IFNGR1: variants seen among roughly 807,000 people sequenced by gnomAD.
The protein encoded by IFNGR1 is AVP, type 2.
A neutral mutation model predicts 35.4 loss-of-function variants in IFNGR1; 23 were observed. That is an observed-to-expected ratio of 0.65 (90% CI 0.47 to 0.92). The LOEUF (loss-of-function observed/expected upper bound fraction) is 0.92, where lower values mean the gene tolerates loss of function less well. IFNGR1 is among the 40% of genes least tolerant of loss of function. The pLI is 0.00. For missense variants in IFNGR1, 533 were observed against 583.4 expected, an observed-to-expected ratio of 0.91 and a Z score of 0.89; for synonymous variants, 199 against 209.5, an observed-to-expected ratio of 0.95 and a Z score of 0.43.
At position 137,203,509 on chromosome 6, in the gene IFNGR1, G is replaced by A. The variant is rs762864949; in HGVS notation, c.723C>T (p.Ser241=). The A allele has an allele frequency of 1.5e-5, 24 of 1,565,882 alleles. No homozygotes were observed. The highest frequency in any genetic ancestry group is 3.3e-5 in the Admixed American group (2 of 59,914). Residue 241 remains serine (S), a synonymous_variant, in exon 5 of 7, where the codon AGC becomes AGT. Transcript: ENST00000367739. ...SKEVCITIFN[S]SIKGSLWIPV... ...ATGGCAAGAACTTACCTTTTATACTGCTATTGAAAATGGTAATACAAACTT... is the reference window on the plus strand; with the variant it reads ...ATGGCAAGAACTTACCTTTTATACTACTATTGAAAATGGTAATACAAACTT...
intron 3 of IFNGR1, 135 bp downstream of exon 3, chr6:137,206,001 A>C: frequency 1.3e-6 from 1 of 762,432 alleles, no homozygotes; most frequent in Non-Finnish European, 2.2e-6. Flanking sequence ...CTCAACCTGT[A>C]CTGACTCTAA....
chr6:137,205,419 CAA>C (rs1258972589), intron 3 of IFNGR1, among the ~76,000 whole-genome samples: 1 of 152,136 alleles, frequency 6.6e-6, no homozygotes, highest in Non-Finnish European at 1.5e-5. Context: ...ATTAAAGATT[CAA>C]GAGTTTGAGG....
chr6:137,208,604 C>T (rs1779504073), intron 1 of IFNGR1, among the ~76,000 whole-genome samples: 1 of 152,236 alleles, frequency 6.6e-6, no homozygotes, highest in Admixed American at 6.5e-5. Context: ...CAAGCCTTGG[C>T]AGCTTCCACA....
At chr6:137,215,274 T>A in intron 1 of IFNGR1, 1 of 1,548,240 alleles carries the variant, frequency 6.5e-7, no homozygotes. Flanking sequence ...TACCTCCATA[T>A]TTAAATTGGA....
chr6:137,206,126 T>C lies in IFNGR1; in HGVS notation c.373+10A>G. 1 of 1,609,378 alleles carries C rather than the reference T, an allele frequency of 6.2e-7. No individual in the cohort carries two copies. Among genetic ancestry groups the C allele is most frequent in the Non-Finnish European group, 8.5e-7 (1 of 1,175,652 alleles). On this transcript the variant is annotated intron_variant, in intron 3 of 6. Coordinates refer to ENST00000367739, the MANE Select transcript of IFNGR1 (RefSeq NM_000416.3). Reference sequence around the variant, plus strand: ...AATTTAAAATTTACATGTGTACACATTCTACTCACCATCTCGGCATACAGC... The same window carrying C: ...AATTTAAAATTTACATGTGTACACACTCTACTCACCATCTCGGCATACAGC...
At chr6:137,202,277 C>T (rs1361468660) in intron 5 of IFNGR1, among the ~76,000 whole-genome samples, 1 of 152,244 alleles carries the variant, frequency 6.6e-6, no homozygotes, top group East Asian at 1.9e-4. Flanking sequence ...CACGGCAATG[C>T]CACCGTGTGG....
intron 1 of IFNGR1, among the ~76,000 whole-genome samples, chr6:137,215,886 AT>A (rs1048802300): frequency 6.6e-6 from 1 of 152,052 alleles, no homozygotes; most frequent in Admixed American, 6.5e-5. Context: ...TAATTTTTGT[AT>A]TTTTTTGTAG....
In IFNGR1 at chr6:137,206,959, T is replaced by G. The variant is rs774237252; in HGVS notation, c.200+4A>C. ...AAAAGGATAAATAAAAGAGTGACAC[T>G]CACCCATAGTTCTTTACCTCTACGG... On this transcript the variant is annotated splice_donor_region_variant and intron_variant, in intron 2 of 6. Coordinates refer to ENST00000367739, the MANE Select transcript of IFNGR1 (RefSeq NM_000416.3). 6.3e-7 allele frequency: 1 copy of G among 1,588,584 alleles called. No homozygotes were observed.
At chr6:137,205,709 G>A (rs1274466440) in intron 3 of IFNGR1, among the ~76,000 whole-genome samples, 1 of 152,160 alleles carries the variant, frequency 6.6e-6, no homozygotes, top group African/African-American at 2.4e-5. Flanking sequence ...TCATGGCATA[G>A]AAGCAGCTAA....
intron 2 of IFNGR1, chr6:137,206,732 C>T (rs1311408683): frequency 1.9e-5 from 10 of 536,782 alleles, no homozygotes; most frequent in Non-Finnish European, 2.6e-5. Context: ...ATTTGTCATG[C>T]TAATCTCAGA....
intron 5 of IFNGR1, 68 bp from the exon 6 acceptor site, chr6:137,201,076 T>C (rs1779266875): frequency 6.6e-7 from 1 of 1,510,214 alleles, no homozygotes. Flanking sequence ...CAAAAAGTCT[T>C]AGTGCCATTC....
chr6:137,218,377 T>C, intron 1 of IFNGR1: 1 of 708,510 alleles, frequency 1.4e-6, no homozygotes, highest in South Asian at 1.4e-5. Flanking sequence ...CCTCAACATT[T>C]GTTTTCTAGG....
intron 5 of IFNGR1, among the ~76,000 whole-genome samples, chr6:137,201,942 A>G (rs1779287690): frequency 6.6e-6 from 1 of 152,138 alleles, no homozygotes; most frequent in Non-Finnish European, 1.5e-5. Flanking sequence ...CTTTGCTGTA[A>G]TGCTGCCTTT....
At chr6:137,215,949 T>C (rs1233466704) in intron 1 of IFNGR1, among the ~76,000 whole-genome samples, 1 of 152,180 alleles carries the variant, frequency 6.6e-6, no homozygotes, top group Non-Finnish European at 1.5e-5. Context: ...TGGGCTCCAG[T>C]GATCCTTCCG....
At chr6:137,207,200 G>A (rs372285230) in intron 1 of IFNGR1, 123 bp from the exon 2 acceptor site, 1 of 1,268,554 alleles carries the variant, frequency 7.9e-7, no homozygotes, top group Non-Finnish European at 1.1e-6. Context: ...GAATTCACCA[G>A]GATACCAAAA....
chr6:137,211,048 G>A (rs1007266507), intron 1 of IFNGR1, among the ~76,000 whole-genome samples: 1 of 151,870 alleles, frequency 6.6e-6, no homozygotes. Flanking sequence ...AAGTGATTTT[G>A]TTGCCAGGAG....
intron 1 of IFNGR1, chr6:137,218,422 G>A (rs1424671416): frequency 8.8e-7 from 1 of 1,133,098 alleles, no homozygotes; most frequent in African/African-American, 1.6e-5. Context: ...AAAATGCTCC[G>A]AAGAACAAAC....
At chr6:137,206,860 T>C in intron 2 of IFNGR1, 103 bp downstream of exon 2, 1 of 874,130 alleles carries the variant, frequency 1.1e-6, no homozygotes, top group Non-Finnish European at 1.9e-6. Context: ...CAGTTTAGAA[T>C]GTTTTGCCAC....
rs768445298 is a variant in IFNGR1 at position 137,198,203 on chromosome 6, T to C, written c.1298A>G (p.Asn433Ser). 1 of 1,614,082 alleles carries C rather than the reference T, an allele frequency of 6.2e-7. No homozygotes were observed. Among genetic ancestry groups the C allele is most frequent in the Non-Finnish European group, 8.5e-7 (1 of 1,180,014 alleles). ...SSLSDSEFPP[N>S]NKGEIKTEGQ... The stretch of plus-strand genomic sequence containing the variant: ...TTCTGTTTTTATTTCACCTTTATTA[T>C]TTGGGGGAAATTCTGAGTCAGATAA... The change falls in exon 7 of 7, where the codon AAT becomes AGT. Residue 433 changes from asparagine to serine, a missense_variant. Physicochemically the swap from Asn to Ser is conservative, Grantham distance 46. Transcript: ENST00000367739.
Sources: allele counts gnomAD v4.1 joint callset (sites outside exome capture counted in the v4.1 genomes callset), GRCh38; gene constraint gnomAD v4.1.1; transcripts MANE v1.5; gene names NCBI Gene and HGNC (gene_info 2026-07-23, HGNC 2026-07-21).